The following NAT10 variants were observed in gnomAD, a reference collection of about 807,000 sequenced individuals.
NAT10 encodes N-acetyltransferase 10.
Under a neutral mutation model 132.2 loss-of-function variants are expected in NAT10, and 109 were observed. That is an observed-to-expected ratio of 0.82 (90% CI 0.71 to 0.97). The LOEUF is 0.97. Among genes scored for constraint, NAT10 ranks in the 50% least tolerant of loss-of-function variants. NAT10 has a pLI of 0.00. For missense variants in NAT10, 1,184 were observed against 1,263.4 expected (o/e 0.94, Z 0.95); for synonymous variants, 479 against 478.0 (o/e 1.00, Z -0.03).
intron 12 of NAT10, among the ~76,000 whole-genome samples, chr11:34,129,480 T>C (rs188181093): frequency 6.6e-6 from 1 of 152,260 alleles, no homozygotes; most frequent in Non-Finnish European, 1.5e-5. Flanking sequence ...TTGGGTTGTC[T>C]TTTTTATTAA....
intron 12 of NAT10, 61 bp downstream of exon 12, chr11:34,127,660 T>G: frequency 6.5e-7 from 1 of 1,547,636 alleles, no homozygotes; most frequent in Non-Finnish European, 8.8e-7. Context: ...TTTAGGGGCA[T>G]GTAGTGGATG....
intron 3 of NAT10, among the ~76,000 whole-genome samples, chr11:34,110,559 C>CCTTT (rs1253094704): frequency 2.0e-5 from 2 of 101,742 alleles, no homozygotes; most frequent in African/African-American, 9.0e-5. Context: ...TTTTCTTTCC[C>CCTTT]TTTTTTTTTT....
chr11:34,130,380 A>G (rs1447473376), intron 12 of NAT10, among the ~76,000 whole-genome samples: 1 of 152,216 alleles, frequency 6.6e-6, no homozygotes, highest in African/African-American at 2.4e-5. Context: ...GTACTTCTAA[A>G]AGCAGCTCCG....
chr11:34,128,569 G>A (rs1412191938), intron 12 of NAT10, among the ~76,000 whole-genome samples: 1 of 152,116 alleles, frequency 6.6e-6, no homozygotes, highest in African/African-American at 2.4e-5. Context: ...GAAGATTTCT[G>A]TATAGAAATC....
intron 8 of NAT10, among the ~76,000 whole-genome samples, chr11:34,122,131 G>T (rs1296896050): frequency 6.6e-6 from 1 of 151,718 alleles, no homozygotes; most frequent in African/African-American, 2.4e-5. Flanking sequence ...AGCCGAGATC[G>T]CACCATTGCA....
intron 20 of NAT10, 32 bp from the exon 21 acceptor site, chr11:34,136,946 C>G (rs959980758): frequency 6.2e-7 from 1 of 1,613,694 alleles, no homozygotes; most frequent in Non-Finnish European, 8.5e-7. Context: ...AGAGGCCACA[C>G]ACAGTGACCT....
chr11:34,145,966 C>G lies in NAT10; in HGVS notation c.2970-118C>G, dbSNP rs73500479. The G allele has an allele frequency of 1.6e-3, 1,094 of 677,586 alleles. 10 individuals are homozygous for G. In the African/African-American group the frequency reaches 0.017, roughly 10 times the overall value. The allele number at this position is 677,586 out of a possible 1,614,324, so 42.0% of individuals were successfully genotyped here. On this transcript the variant is annotated intron_variant, in intron 28 of 28. Transcript: ENST00000257829. ...AGAACATTAATGTCCAATTGGGTGG[C>G]CTACATCAAGTTTCAGACGGTGGAA...
chr11:34,140,640 G>T, intron 24 of NAT10, 68 bp downstream of exon 24: 1 of 1,535,576 alleles, frequency 6.5e-7, no homozygotes, highest in South Asian at 1.2e-5. Flanking sequence ...CTGGGTGTTG[G>T]GTTGGGCACT....
In NAT10 at chr11:34,110,559, CTTTTTTTTTTTTTTTT is replaced by C. The variant is rs948109196; in HGVS notation, c.201-1483_201-1468del. Among the ~76,000 whole-genome samples, 3 of 101,718 alleles carry C rather than the reference CTTTTTTTTTTTTTTTT, an allele frequency of 2.9e-5. 1 individual carries two copies. The highest frequency in any genetic ancestry group is 5.6e-5 in the Non-Finnish European group (3 of 53,254). The allele number at this position is 101,718 out of a possible 152,430, so 66.7% of individuals were successfully genotyped here. The stretch of plus-strand genomic sequence containing the variant: ...CTTACGTTCATTTTTTTTTCTTTCC[CTTTTTTTTTTTTTTTT>C]TTTTTTTTTACTTTCAGGTGATAAG... On this transcript the variant is annotated intron_variant, in intron 3 of 28. Coordinates refer to ENST00000257829, the MANE Select transcript of NAT10 (RefSeq NM_024662.3).
At chr11:34,113,440 ACAGGTATGGTCTTG>A in intron 4 of NAT10, among the ~76,000 whole-genome samples, 1 of 152,052 alleles carries the variant, frequency 6.6e-6, no homozygotes, top group East Asian at 1.9e-4. Flanking sequence ...CAAGGTGGGA[ACAGGTATGGTCTTG>A]GCTTTGTGCT....
chr11:34,113,227 A>G (rs897314175), intron 4 of NAT10, among the ~76,000 whole-genome samples: 1 of 152,230 alleles, frequency 6.6e-6, no homozygotes, highest in African/African-American at 2.4e-5. Context: ...CAGAAAATGT[A>G]AGATGTTTCT....
intron 19 of NAT10, 82 bp downstream of exon 19, chr11:34,135,373 C>G: frequency 8.9e-7 from 1 of 1,119,950 alleles, no homozygotes; most frequent in Non-Finnish European, 1.3e-6. Context: ...CAACAAAAAC[C>G]AGTCCAGAGC....
intron 12 of NAT10, among the ~76,000 whole-genome samples, chr11:34,128,362 C>CAAAA (rs914837839): frequency 1.5e-5 from 1 of 67,238 alleles, no homozygotes. Flanking sequence ...AAAAACAAAA[C>CAAAA]AAAAAAAAAA....
At position 34,118,642 on chromosome 11, in the gene NAT10, G is replaced by A. The variant is rs180930162; in HGVS notation, c.780+139G>A. 530 of 629,840 alleles carry A rather than the reference G, an allele frequency of 8.4e-4. 1 individual carries two copies. Among genetic ancestry groups the A allele is most frequent in the Non-Finnish European group, 1.3e-3 (473 of 368,550 alleles). The allele number at this position is 629,840 out of a possible 1,614,324, so 39.0% of individuals were successfully genotyped here. A position where few individuals can be genotyped will look rare whatever the true frequency, so the allele number is the denominator to read the frequency against. On this transcript the variant is annotated intron_variant, in intron 8 of 28. Transcript: ENST00000257829. ...CTTTTCCCCTTGCTCATACTCGTGT[G>A]TGCTCAGCAACAGTAGGGCTATTTC...
chr11:34,116,117 A>T (rs1851778555), intron 6 of NAT10, among the ~76,000 whole-genome samples: 1 of 152,242 alleles, frequency 6.6e-6, no homozygotes, highest in East Asian at 1.9e-4. Flanking sequence ...TTGACAGCTC[A>T]GTTAAACCAG....
intron 12 of NAT10, 28 bp from the exon 13 acceptor site, chr11:34,130,785 G>A (rs1565114751): frequency 1.9e-6 from 3 of 1,613,374 alleles, no homozygotes; most frequent in Non-Finnish European, 1.7e-6. Context: ...GGGACCTTGT[G>A]CCTGATTCCT....
intron 9 of NAT10, 71 bp from the exon 10 acceptor site, chr11:34,123,691 T>A: frequency 8.0e-7 from 1 of 1,249,902 alleles, no homozygotes; most frequent in African/African-American, 1.5e-5. Context: ...ACAAAAATAT[T>A]TTCTTTTTTA....
chr11:34,130,677 G>T (rs1430136494), intron 12 of NAT10, 136 bp from the exon 13 acceptor site: 10 of 1,167,946 alleles, frequency 8.6e-6, no homozygotes, highest in African/African-American at 1.5e-5. Context: ...TATGCTGGAA[G>T]TTCAGAGATG....
intron 8 of NAT10, among the ~76,000 whole-genome samples, chr11:34,120,766 G>A (rs1851878757): frequency 6.6e-6 from 1 of 152,224 alleles, no homozygotes; most frequent in East Asian, 1.9e-4. Context: ...AGCAGAAGAT[G>A]CTACGTACAA....
Sources: allele counts gnomAD v4.1 joint callset (sites outside exome capture counted in the v4.1 genomes callset), GRCh38; gene constraint gnomAD v4.1.1; transcripts MANE v1.5; gene names NCBI Gene and HGNC (gene_info 2026-07-23, HGNC 2026-07-21).